GPR63: variants seen among roughly 807,000 people sequenced by gnomAD.
The protein encoded by GPR63 is probable G protein-coupled receptor 63.
Under a neutral mutation model 23.1 loss-of-function variants are expected in GPR63, and 12 were observed. The observed-to-expected ratio is 0.52, with a 90% CI of 0.33 to 0.84. The LOEUF is 0.84. GPR63 is among the 40% of genes least tolerant of loss of function. The pLI, the probability that GPR63 is intolerant of heterozygous loss-of-function variation, is 0.02. For missense variants in GPR63, 472 were observed against 515.6 expected, an observed-to-expected ratio of 0.92 and a Z score of 0.82; for synonymous variants, 172 against 191.1, an observed-to-expected ratio of 0.90 and a Z score of 0.82.
intron 1 of GPR63, among the ~76,000 whole-genome samples, chr6:96,821,901 C>T (rs1448441263): frequency 6.6e-6 from 1 of 152,032 alleles, no homozygotes; most frequent in Non-Finnish European, 1.5e-5. Flanking sequence ...ACCCTACCAC[C>T]CTACCTCTCC....
At chr6:96,825,322 A>G (rs1056668230) in intron 1 of GPR63, among the ~76,000 whole-genome samples, 2 of 152,134 alleles carry the variant, frequency 1.3e-5, no homozygotes, top group Non-Finnish European at 2.9e-5. Flanking sequence ...TTGAGCAGGA[A>G]AAAAATCAGA....
At chr6:96,829,313 G>C (rs1436414198) in intron 1 of GPR63, among the ~76,000 whole-genome samples, 3 of 152,162 alleles carry the variant, frequency 2.0e-5, no homozygotes, top group African/African-American at 4.8e-5. Context: ...ATCACAAATA[G>C]TTTAGAGATC....
At chr6:96,813,821 C>T (rs1774099453) in intron 1 of GPR63, among the ~76,000 whole-genome samples, 1 of 152,030 alleles carries the variant, frequency 6.6e-6, no homozygotes, top group African/African-American at 2.4e-5. Context: ...TGAGCAGTGG[C>T]TATGATTATA....
At chr6:96,802,592 T>C (rs1773797882) in intron 1 of GPR63, among the ~76,000 whole-genome samples, 1 of 147,678 alleles carries the variant, frequency 6.8e-6, no homozygotes, top group Admixed American at 6.9e-5. Context: ...CAGGCTGGAG[T>C]GCAGTGGCAC....
chr6:96,804,798 C>A (rs1006733340), intron 1 of GPR63, among the ~76,000 whole-genome samples: 4 of 152,096 alleles, frequency 2.6e-5, no homozygotes, highest in Non-Finnish European at 5.9e-5. Flanking sequence ...CAACTAATTT[C>A]TCTTCCCTTT....
At chr6:96,807,725 A>G (rs1404253037) in intron 1 of GPR63, among the ~76,000 whole-genome samples, 3 of 152,342 alleles carry the variant, frequency 2.0e-5, no homozygotes, top group African/African-American at 7.2e-5. Context: ...TAGACATATC[A>G]AGATATTCAG....
Position 96,798,780 on chromosome 6 carries a change from T to A in GPR63, c.952A>T (p.Ile318Phe). The stretch of plus-strand genomic sequence containing the variant: ...CAGACAATGAAGACAGCAAAGAGAA[T>A]CAAAATAGTGGTGAAGGCACGTGTT... ...FKTRAFTTIL[I>F]LFAVFIVCWA... is the part of the protein sequence containing the mutation. The change falls in exon 2 of 2, where the codon ATT (isoleucine) becomes TTT (phenylalanine). Residue 318 changes from isoleucine (I) to phenylalanine (F), a missense_variant. Transcript: ENST00000229955. The A allele has an allele frequency of 1.9e-6, 3 of 1,614,092 alleles. No homozygotes were observed. Among genetic ancestry groups the A allele is most frequent in the South Asian group, 2.2e-5 (2 of 91,084 alleles).
At chr6:96,805,991 G>C (rs1346022190) in intron 1 of GPR63, among the ~76,000 whole-genome samples, 1 of 152,126 alleles carries the variant, frequency 6.6e-6, no homozygotes, top group East Asian at 1.9e-4. Context: ...TCAAATTCTG[G>C]TTTTCTCTAT....
intron 1 of GPR63, among the ~76,000 whole-genome samples, chr6:96,800,952 T>C (rs966696044): frequency 2.0e-5 from 3 of 152,212 alleles, no homozygotes; most frequent in Admixed American, 6.5e-5. Context: ...AACCCCCAAT[T>C]TCTTACCCAG....
intron 1 of GPR63, among the ~76,000 whole-genome samples, chr6:96,818,999 T>A (rs1774231282): frequency 6.6e-6 from 1 of 152,006 alleles, no homozygotes; most frequent in South Asian, 2.1e-4. Flanking sequence ...ATGGTGATCA[T>A]TAAAAAGTCA....
chr6:96,833,317 C>T (rs974400032), intron 1 of GPR63, among the ~76,000 whole-genome samples: 9 of 152,198 alleles, frequency 5.9e-5, no homozygotes, highest in Non-Finnish European at 1.0e-4. Context: ...CAACCAAATA[C>T]CATACCAAAT....
chr6:96,836,939 G>A (rs1774746226), intron 1 of GPR63, among the ~76,000 whole-genome samples: 1 of 152,010 alleles, frequency 6.6e-6, no homozygotes, highest in Non-Finnish European at 1.5e-5. Context: ...GCCGGCATGG[G>A]GTGCCCCTCT....
chr6:96,807,432 G>A (rs1036522820), intron 1 of GPR63, among the ~76,000 whole-genome samples: 1 of 152,218 alleles, frequency 6.6e-6, no homozygotes, highest in Admixed American at 6.5e-5. Flanking sequence ...TTGGTGACGA[G>A]TGGATTACAT....
chr6:96,818,092 A>AT (rs1774209883), intron 1 of GPR63, among the ~76,000 whole-genome samples: 1 of 151,782 alleles, frequency 6.6e-6, no homozygotes, highest in Non-Finnish European at 1.5e-5. Flanking sequence ...TCATAGAAAT[A>AT]TTTTTTAAAA....
Position 96,798,632 on chromosome 6 carries a change from T to C in GPR63, c.1100A>G (p.Asn367Ser). ...LWLCYLKSAL[N>S]PLIYYWRIKK... ...AATCCTCCAGTAGTAGATCAGCGGA[T>C]TCAATGCAGACTTGAGGTAGCAGAG... is the stretch of plus-strand genomic sequence containing the variant. Residue 367 changes from asparagine (N) to serine (S), a missense_variant, in exon 2 of 2, where the codon AAT becomes AGT. Physicochemically the swap from Asn to Ser is conservative, Grantham distance 46. Coordinates refer to ENST00000229955, the MANE Select transcript of GPR63 (RefSeq NM_030784.4). 1 of 1,614,232 alleles carries C rather than the reference T, an allele frequency of 6.2e-7. No homozygotes were observed. The highest frequency in any genetic ancestry group is 8.5e-7 in the Non-Finnish European group (1 of 1,180,032).
intron 1 of GPR63, among the ~76,000 whole-genome samples, chr6:96,800,587 T>C (rs1773737937): frequency 6.6e-6 from 1 of 152,188 alleles, no homozygotes; most frequent in African/African-American, 2.4e-5. Flanking sequence ...CTGGAGAACT[T>C]ACTCAAGAGG....
chr6:96,836,458 T>C (rs1390757450), intron 1 of GPR63, among the ~76,000 whole-genome samples: 1 of 152,190 alleles, frequency 6.6e-6, no homozygotes, highest in Non-Finnish European at 1.5e-5. Flanking sequence ...AACTTCATCC[T>C]ACCTCACTAA....
Position 96,803,855 on chromosome 6 carries a change from A to C in GPR63, c.-150-3974T>G, listed in dbSNP as rs371334797. On this transcript the variant is annotated intron_variant, in intron 1 of 1. Transcript: ENST00000229955. ...TTGGTAACATTTACACAGGAGTCTT[A>C]ATGTTAAATCCAATCTCGACTAGTC... is the stretch of plus-strand genomic sequence containing the variant. Among the ~76,000 whole-genome samples the C allele has an allele frequency of 3.3e-5, 5 of 152,366 alleles. No individual in the cohort carries two copies. In the East Asian group the frequency reaches 7.7e-4, roughly 23 times the overall value.
Position 96,834,134 on chromosome 6 carries a change from GGCTAGAAT to G in GPR63, c.-151+3126_-151+3133del, listed in dbSNP as rs531666282. ...TCTTGTCCATATTTACTGGTGCAGA[GGCTAGAAT>G]GCATTTTATCCTATGTGTCAAACTT... On this transcript the variant is annotated intron_variant, in intron 1 of 1. Transcript: ENST00000229955. Among the ~76,000 whole-genome samples, 254 of 152,264 alleles carry G rather than the reference GGCTAGAAT, an allele frequency of 1.7e-3. 7 individuals carry two copies. The South Asian group carries it at 0.031, about 19-fold the overall frequency.
Sources: allele counts gnomAD v4.1 joint callset (sites outside exome capture counted in the v4.1 genomes callset), GRCh38; gene constraint gnomAD v4.1.1; transcripts MANE v1.5; gene names NCBI Gene and HGNC (gene_info 2026-07-23, HGNC 2026-07-21).